Variants in IL1RAPL2 observed in about 807,000 individuals in gnomAD.
IL1RAPL2 encodes interleukin 1 receptor accessory protein like 2.
IL1RAPL2 carries 3 observed loss-of-function variants against 44.1 expected under a neutral mutation model. The ratio of observed to expected loss-of-function variants is 0.07; its 90% confidence interval spans 0.03 to 0.18. The LOEUF (loss-of-function observed/expected upper bound fraction) is 0.18. Among genes scored for constraint, IL1RAPL2 ranks in the 10% least tolerant of loss-of-function variants. The pLI is 1.00. For missense variants in IL1RAPL2, 391 were observed against 496.4 expected, an observed-to-expected ratio of 0.79 and a Z score of 2.02; for synonymous variants, 181 against 178.8, an observed-to-expected ratio of 1.01 and a Z score of -0.10.
intron 6 of IL1RAPL2, among the ~76,000 whole-genome samples, chrX:105,681,296 C>A (rs1418044409): frequency 9.0e-6 from 1 of 111,147 alleles, no homozygotes; most frequent in Non-Finnish European, 1.9e-5. Context: ...TCAGAAAGAC[C>A]TTGCTTCTGA....
chrX:105,675,497 C>T (rs997444681), intron 6 of IL1RAPL2, among the ~76,000 whole-genome samples: 22 of 111,898 alleles, frequency 2.0e-4, no homozygotes, highest in Admixed American at 1.6e-3. Context: ...AGACTTGCAT[C>T]CTGGGAATGA....
intron 6 of IL1RAPL2, among the ~76,000 whole-genome samples, chrX:105,670,619 A>T (rs1369746910): frequency 9.2e-6 from 1 of 109,207 alleles, no homozygotes; most frequent in East Asian, 2.9e-4. Context: ...ATATCTAAAA[A>T]AAAAAAATCT....
rs187341232 is a variant in IL1RAPL2, at chrX:105,252,858, G to A, written c.544-14530G>A. ...GGCAGAGCTGAATTTGAACCCTGAC[G>A]GTGTGCAAATATCTTAGAATGGAAT... On this transcript the variant is annotated intron_variant, in intron 4 of 10. Coordinates refer to ENST00000372582, the MANE Select transcript of IL1RAPL2 (RefSeq NM_017416.2). Among the ~76,000 whole-genome samples the A allele has an allele frequency of 3.2e-3, 359 of 111,422 alleles. 1 individual carries two copies. The highest frequency in any genetic ancestry group is 3.2e-3 in the Non-Finnish European group (168 of 52,940).
chrX:104,600,016 C>A (rs997236976), intron 1 of IL1RAPL2, among the ~76,000 whole-genome samples: 1 of 111,344 alleles, frequency 9.0e-6, no homozygotes. Context: ...AAAATGCAAC[C>A]AAAACCCTTT....
intron 5 of IL1RAPL2, among the ~76,000 whole-genome samples, chrX:105,393,938 C>A (rs1385644138): frequency 8.9e-6 from 1 of 112,189 alleles, no homozygotes; most frequent in Non-Finnish European, 1.9e-5. Flanking sequence ...CTATCTTAAT[C>A]AAAGGTCTTT....
intron 2 of IL1RAPL2, among the ~76,000 whole-genome samples, chrX:104,745,279 A>C (rs1358293996): frequency 9.0e-6 from 1 of 111,032 alleles, no homozygotes; most frequent in South Asian, 3.8e-4. Flanking sequence ...GGTAGATCAG[A>C]TTGGTTTTGT....
intron 1 of IL1RAPL2, among the ~76,000 whole-genome samples, chrX:104,610,830 A>C (rs965913607): frequency 1.8e-5 from 2 of 111,828 alleles, no homozygotes; most frequent in African/African-American, 6.5e-5. Context: ...AGTCAATCCT[A>C]AGCCAAAAGA....
chrX:105,571,551 T>A (rs1377320082), intron 6 of IL1RAPL2, among the ~76,000 whole-genome samples: 3 of 111,047 alleles, frequency 2.7e-5, no homozygotes, highest in Non-Finnish European at 3.8e-5. Context: ...TTCTTGTGGC[T>A]CCACTGTCCT....
At chrX:105,072,380 A>G (rs1216734316) in intron 2 of IL1RAPL2, among the ~76,000 whole-genome samples, 2 of 111,646 alleles carry the variant, frequency 1.8e-5, no homozygotes, top group Admixed American at 1.9e-4. Context: ...AGTACCACAA[A>G]GAATGGGGTA....
chrX:105,040,891 T>G (rs2031722042), intron 2 of IL1RAPL2, among the ~76,000 whole-genome samples: 1 of 101,292 alleles, frequency 9.9e-6, no homozygotes, highest in African/African-American at 3.9e-5. Context: ...AGTTCTGCTC[T>G]GATTTTAGTT....
rs959778478 is a variant in IL1RAPL2 at position 104,981,495 on chromosome X, T to A, written c.83-213980T>A. On this transcript the variant is annotated intron_variant, in intron 2 of 10. Coordinates refer to ENST00000372582, the MANE Select transcript of IL1RAPL2 (RefSeq NM_017416.2). ...GAGTCTTTGGCCAGAGACTATGGGG[T>A]TTTCTAGTTATAAAATCATATCATC... 7.2e-5 allele frequency among the ~76,000 whole-genome samples: 8 copies of A among 111,024 alleles called. No homozygotes were observed. In the Admixed American group the frequency reaches 7.7e-4, roughly 11 times the overall value.
At chrX:104,650,200 C>T (rs1275546239) in intron 1 of IL1RAPL2, among the ~76,000 whole-genome samples, 1 of 111,068 alleles carries the variant, frequency 9.0e-6, no homozygotes, top group East Asian at 2.8e-4. Context: ...ATAGCCATGG[C>T]AGGGGGGAAG....
At chrX:105,481,147 C>G (rs746299175) in intron 5 of IL1RAPL2, among the ~76,000 whole-genome samples, 2 of 111,979 alleles carry the variant, frequency 1.8e-5, no homozygotes, top group Non-Finnish European at 3.8e-5. Context: ...GTCAAAGAGG[C>G]TAAAACCACT....
chrX:105,175,399 A>AT (rs374877907), intron 2 of IL1RAPL2, among the ~76,000 whole-genome samples: 4 of 111,530 alleles, frequency 3.6e-5, no homozygotes, highest in African/African-American at 1.3e-4. Context: ...AATTATGTCC[A>AT]TTTTACAGAT....
At chrX:105,332,768 C>T (rs1411512598) in intron 5 of IL1RAPL2, among the ~76,000 whole-genome samples, 1 of 111,612 alleles carries the variant, frequency 9.0e-6, no homozygotes, top group Non-Finnish European at 1.9e-5. Context: ...GTCCAATTTA[C>T]AATAGCCATT....
At chrX:105,329,148 G>C (rs746363706) in intron 5 of IL1RAPL2, among the ~76,000 whole-genome samples, 3 of 112,365 alleles carry the variant, frequency 2.7e-5, no homozygotes, top group South Asian at 3.7e-4. Flanking sequence ...TTAATCAACA[G>C]AACTGATACA....
intron 6 of IL1RAPL2, among the ~76,000 whole-genome samples, chrX:105,626,357 C>G (rs1007396498): frequency 8.1e-5 from 9 of 111,058 alleles, no homozygotes; most frequent in African/African-American, 2.3e-4. Flanking sequence ...AGGTCAACAA[C>G]CCATTTTGAA....
In IL1RAPL2 at chrX:105,137,725, A is replaced by G. The variant is rs1373620920; in HGVS notation, c.83-57750A>G. On this transcript the variant is annotated intron_variant, in intron 2 of 10. Transcript: ENST00000372582. ...TGACTTAATTGTTAAACTGTCATCTATTTTAGTCTCATTTCCTATGTGAAA... is the reference window on the plus strand; with the variant it reads ...TGACTTAATTGTTAAACTGTCATCTGTTTTAGTCTCATTTCCTATGTGAAA... Among the ~76,000 whole-genome samples the G allele has an allele frequency of 2.7e-5, 3 of 111,802 alleles. No individual in the cohort carries two copies. The East Asian group carries it at 8.4e-4, about 31-fold the overall frequency.
intron 5 of IL1RAPL2, among the ~76,000 whole-genome samples, chrX:105,459,734 AAT>A (rs1469653242): frequency 6.3e-5 from 7 of 111,861 alleles, no homozygotes; most frequent in African/African-American, 2.3e-4. Context: ...TGTGTGTGAG[AAT>A]ATGTTTTCTG....
Sources: gnomAD v4.1 joint callset for allele counts (sites outside exome capture counted in the v4.1 genomes callset) on GRCh38, gnomAD v4.1.1 for gene constraint, MANE v1.5 for transcripts, NCBI Gene and HGNC (gene_info 2026-07-23, HGNC 2026-07-21) for gene names.